ELMO1: variants seen among roughly 807,000 people sequenced by gnomAD.
ELMO1 encodes engulfment and cell motility 1.
A neutral mutation model predicts 98.9 loss-of-function variants in ELMO1; 26 were observed. That is an observed-to-expected ratio of 0.26 (90% confidence interval 0.19 to 0.36). The LOEUF is 0.36. Ranked by LOEUF, ELMO1 falls within the 10% of genes least tolerant of loss-of-function variation. The probability of loss-of-function intolerance (pLI) is 1.00; values close to 1 mark genes in which losing one functional copy is unlikely to be tolerated. For missense variants in ELMO1, 627 were observed against 935.2 expected (o/e 0.67, Z 4.30); for synonymous variants, 346 against 346.0 (o/e 1.00, Z 0.00).
At chr7:37,125,741 A>G (rs1022895051) in intron 14 of ELMO1, among the ~76,000 whole-genome samples, 19 of 152,208 alleles carry the variant, frequency 1.2e-4, no homozygotes, top group Non-Finnish European at 2.6e-4. Context: ...CAGTGTGGTG[A>G]TTCCTCAAGA....
intron 16 of ELMO1, among the ~76,000 whole-genome samples, chr7:36,909,905 G>T (rs906306343): frequency 6.6e-6 from 1 of 152,116 alleles, no homozygotes; most frequent in Non-Finnish European, 1.5e-5. Context: ...ATAAATAAAT[G>T]AATGAATGAC....
At chr7:37,425,621 T>C (rs1804665137) in intron 1 of ELMO1, among the ~76,000 whole-genome samples, 1 of 152,260 alleles carries the variant, frequency 6.6e-6, no homozygotes, top group Admixed American at 6.5e-5. Context: ...ACAGCTAGTT[T>C]TGGCTTTGGC....
chr7:37,348,012 T>C (rs1018565178), intron 1 of ELMO1, among the ~76,000 whole-genome samples: 6 of 152,220 alleles, frequency 3.9e-5, no homozygotes, highest in Admixed American at 1.3e-4. Flanking sequence ...CTTTGTCAAC[T>C]TCTCCCCACT....
intron 2 of ELMO1, among the ~76,000 whole-genome samples, chr7:37,322,761 C>T (rs1472412098): frequency 3.3e-5 from 5 of 151,920 alleles, no homozygotes; most frequent in African/African-American, 4.8e-5. Flanking sequence ...CGAGATAGTA[C>T]CACCGTGCCA....
chr7:37,441,866 G>A (rs116419084), intron 1 of ELMO1, among the ~76,000 whole-genome samples: 133 of 152,266 alleles, frequency 8.7e-4, no homozygotes, highest in African/African-American at 3.1e-3. Flanking sequence ...GAGAGCTGGA[G>A]GAAAGAAATG....
chr7:37,094,530 A>C (rs1472265987), intron 15 of ELMO1, among the ~76,000 whole-genome samples: 1 of 152,076 alleles, frequency 6.6e-6, no homozygotes, highest in Non-Finnish European at 1.5e-5. Flanking sequence ...GAGGAGGACT[A>C]CCTGCCCAGA....
intron 21 of ELMO1, among the ~76,000 whole-genome samples, chr7:36,858,095 T>G (rs73689652): frequency 0.053 from 8,053 of 152,318 alleles, 285 homozygotes; most frequent in East Asian, 0.16. Flanking sequence ...CTCATTGTTC[T>G]TCTTTGAAAG....
intron 17 of ELMO1, among the ~76,000 whole-genome samples, chr7:36,890,629 C>A (rs1464495988): frequency 6.6e-6 from 1 of 152,144 alleles, no homozygotes; most frequent in Non-Finnish European, 1.5e-5. Flanking sequence ...CAAAATGGAT[C>A]TCATTTTCAG....
At chr7:36,997,620 G>A (rs1792316921) in intron 16 of ELMO1, among the ~76,000 whole-genome samples, 1 of 152,164 alleles carries the variant, frequency 6.6e-6, no homozygotes, top group South Asian at 2.1e-4. Context: ...AGAATGGAGA[G>A]TTTAGCTTTG....
chr7:37,179,904 A>G (rs1790738254), intron 13 of ELMO1, among the ~76,000 whole-genome samples: 1 of 152,224 alleles, frequency 6.6e-6, no homozygotes, highest in African/African-American at 2.4e-5. Context: ...AGTGTGCAGG[A>G]GCCCAGTAGG....
chr7:36,952,553 A>G (rs1468211009), intron 16 of ELMO1, among the ~76,000 whole-genome samples: 16 of 152,218 alleles, frequency 1.1e-4, no homozygotes, highest in Admixed American at 1.0e-3. Context: ...TAACCTTCTG[A>G]GGCTCCCAGG....
chr7:37,293,277 G>A (rs1478029132), intron 4 of ELMO1, among the ~76,000 whole-genome samples: 2 of 136,010 alleles, frequency 1.5e-5, no homozygotes, highest in Non-Finnish European at 3.4e-5. Context: ...AGAATAGAAA[G>A]GGGGGAAAGG....
chr7:37,203,720 A>G (rs1374037176), intron 13 of ELMO1, among the ~76,000 whole-genome samples: 1 of 152,162 alleles, frequency 6.6e-6, no homozygotes, highest in Non-Finnish European at 1.5e-5. Context: ...GGCAGGCATT[A>G]GGACCCAGGC....
At chr7:37,092,671 G>A (rs563946740) in intron 15 of ELMO1, among the ~76,000 whole-genome samples, 11 of 152,066 alleles carry the variant, frequency 7.2e-5, no homozygotes, top group East Asian at 1.9e-4. Flanking sequence ...CAACACATCC[G>A]GCCCTAAAAT....
intron 2 of ELMO1, among the ~76,000 whole-genome samples, chr7:37,336,663 G>A (rs1438409913): frequency 6.6e-6 from 1 of 152,118 alleles, no homozygotes; most frequent in East Asian, 1.9e-4. Context: ...AGGAAGGAAG[G>A]GAGAGTTTCA....
chr7:37,317,399 A>G (rs1799242379), intron 2 of ELMO1, among the ~76,000 whole-genome samples: 1 of 152,234 alleles, frequency 6.6e-6, no homozygotes, highest in Non-Finnish European at 1.5e-5. Flanking sequence ...CACTATTCAC[A>G]ATATCCAAGA....
intron 1 of ELMO1, chr7:37,393,790 A>C (rs1395912939): frequency 6.6e-6 from 1 of 152,194 alleles, no homozygotes; most frequent in Non-Finnish European, 1.5e-5. Flanking sequence ...TTTTATGCTC[A>C]GATCCCCACA....
At chr7:36,871,899 C>T (rs1803538602) in intron 19 of ELMO1, among the ~76,000 whole-genome samples, 1 of 152,202 alleles carries the variant, frequency 6.6e-6, no homozygotes, top group African/African-American at 2.4e-5. Context: ...TATCTGTTGA[C>T]ACTCTTAGGC....
At position 36,959,312 on chromosome 7, in the gene ELMO1, G is replaced by A. The variant is rs145246395; in HGVS notation, c.1437+53987C>T. ...AGTCTCAGTGGTCTTTTAAAATCTGGCAGATCATGTCACTCCGGTGCTCAA... is the reference window on the plus strand; with the variant it reads ...AGTCTCAGTGGTCTTTTAAAATCTGACAGATCATGTCACTCCGGTGCTCAA... On this transcript the variant is annotated intron_variant, in intron 16 of 21. Coordinates refer to ENST00000310758, the MANE Select transcript of ELMO1 (RefSeq NM_014800.11). Among the ~76,000 whole-genome samples, 33 of 151,888 alleles carry A rather than the reference G, an allele frequency of 2.2e-4. No homozygotes were observed. In the East Asian group the frequency reaches 4.1e-3, roughly 19 times the overall value.
Sources: gnomAD v4.1 joint callset for allele counts (sites outside exome capture counted in the v4.1 genomes callset) on GRCh38, gnomAD v4.1.1 for gene constraint, MANE v1.5 for transcripts, NCBI Gene and HGNC (gene_info 2026-07-23, HGNC 2026-07-21) for gene names.